The following OSBP2 variants were observed in gnomAD, a reference collection of about 807,000 sequenced individuals.
OSBP2 encodes the protein oxysterol binding protein 2.
Under a neutral mutation model 96.0 loss-of-function variants are expected in OSBP2, and 66 were observed. That is an observed-to-expected ratio of 0.69 (90% CI 0.56 to 0.84). The LOEUF (loss-of-function observed/expected upper bound fraction) is 0.84, where lower values mean the gene tolerates loss of function less well. Ranked by LOEUF, OSBP2 falls within the 40% of genes least tolerant of loss-of-function variation. The pLI is 0.00. For synonymous variants in OSBP2, 525 were observed against 520.9 expected (o/e 1.01, Z -0.11); for missense variants, 1,038 against 1,222.7 (o/e 0.85, Z 2.25).
intron 2 of OSBP2, among the ~76,000 whole-genome samples, chr22:30,746,301 G>A (rs189051395): frequency 1.3e-5 from 2 of 151,966 alleles, no homozygotes; most frequent in Admixed American, 6.6e-5. Flanking sequence ...GCACATGCCT[G>A]TAGTCCCAGC....
intron 2 of OSBP2, among the ~76,000 whole-genome samples, chr22:30,753,771 C>T (rs1379467320): frequency 6.6e-6 from 1 of 152,194 alleles, no homozygotes; most frequent in Non-Finnish European, 1.5e-5. Context: ...AGGAGAAGGG[C>T]ATATTTGCCT....
At chr22:30,736,916 T>C (rs2089864567) in intron 1 of OSBP2, among the ~76,000 whole-genome samples, 1 of 152,256 alleles carries the variant, frequency 6.6e-6, no homozygotes, top group Non-Finnish European at 1.5e-5. Context: ...TGATCACTGC[T>C]GGGTAACTTC....
intron 1 of OSBP2, among the ~76,000 whole-genome samples, chr22:30,740,136 C>T (rs136352): frequency 0.058 from 8,830 of 152,206 alleles, 270 homozygotes; most frequent in Middle Eastern, 0.092. Context: ...TGAGCCACCG[C>T]GCCTGGCCAA....
chr22:30,881,944 C>T lies in OSBP2; in HGVS notation c.1108-5482C>T, dbSNP rs925876272. The stretch of plus-strand genomic sequence containing the variant: ...TTAGGGCACAGCAGTTTTCACCCTG[C>T]CCCGCTTTTAGGTGACTGTGACACT... On this transcript the variant is annotated intron_variant, in intron 3 of 13. Transcript: ENST00000332585. The surrounding 1 kb of genome is among the most constrained non-coding windows in gnomAD (Gnocchi z 4.5). 2.5e-5 allele frequency: 17 copies of T among 677,920 alleles called. No individual in the cohort carries two copies. Among genetic ancestry groups the T allele is most frequent in the Non-Finnish European group, 3.7e-5 (17 of 456,402 alleles). 42.0% of individuals were successfully genotyped at this position (677,920 alleles called of 1,614,324 possible). A position where few individuals can be genotyped will look rare whatever the true frequency, so the allele number is the denominator to read the frequency against.
At chr22:30,876,538 A>G (rs912336500) in intron 3 of OSBP2, among the ~76,000 whole-genome samples, 1 of 152,210 alleles carries the variant, frequency 6.6e-6, no homozygotes, top group African/African-American at 2.4e-5. Context: ...ATTCCTGAGC[A>G]TCTCTGGTGG....
chr22:30,762,690 C>T lies in OSBP2; in HGVS notation c.853+21321C>T, dbSNP rs183343014. Among the ~76,000 whole-genome samples, 39 of 152,342 alleles carry T rather than the reference C, an allele frequency of 2.6e-4. No homozygotes were observed. The East Asian group carries it at 7.5e-3, about 29-fold the overall frequency. ...ACCTCTTGTTGGCAAGGTCTGTTCC[C>T]TAGTATCCAGCCCCTTCCCACACCC... On this transcript the variant is annotated intron_variant, in intron 2 of 13. Transcript: ENST00000332585.
intron 2 of OSBP2, among the ~76,000 whole-genome samples, chr22:30,828,800 T>G (rs1206917097): frequency 6.6e-6 from 1 of 151,574 alleles, no homozygotes; most frequent in African/African-American, 2.4e-5. Flanking sequence ...GGGGGAGAGG[T>G]GGGCAGAGCA....
chr22:30,879,667 G>A (rs5753367), intron 3 of OSBP2, among the ~76,000 whole-genome samples: 2 of 152,240 alleles, frequency 1.3e-5, no homozygotes, highest in African/African-American at 2.4e-5. Flanking sequence ...TGGGTCCCCA[G>A]TCTGGGTCTT....
chr22:30,792,961 G>C (rs1044586311), intron 2 of OSBP2, among the ~76,000 whole-genome samples: 3 of 152,222 alleles, frequency 2.0e-5, no homozygotes, highest in Non-Finnish European at 4.4e-5. Flanking sequence ...CACTGAGTTA[G>C]TAAATGGCAG....
chr22:30,863,993 C>T (rs1219329980), intron 2 of OSBP2, among the ~76,000 whole-genome samples: 4 of 146,728 alleles, frequency 2.7e-5, no homozygotes, highest in East Asian at 2.0e-4. Flanking sequence ...TTTTTTGAAA[C>T]GGAGTCTGAC....
At chr22:30,755,887 A>G (rs530826484) in intron 2 of OSBP2, among the ~76,000 whole-genome samples, 9 of 152,284 alleles carry the variant, frequency 5.9e-5, no homozygotes, top group Admixed American at 2.6e-4. Context: ...CTCAGCCCTC[A>G]GGTCCACCAG....
chr22:30,716,916 C>A (rs1052915850), intron 1 of OSBP2, among the ~76,000 whole-genome samples: 1 of 152,112 alleles, frequency 6.6e-6, no homozygotes, highest in South Asian at 2.1e-4. Context: ...TTGTGTCCTT[C>A]GATGGAGTCC....
At chr22:30,833,475 G>GAGCTA (rs2038572235) in intron 2 of OSBP2, among the ~76,000 whole-genome samples, 2 of 152,282 alleles carry the variant, frequency 1.3e-5, no homozygotes, top group South Asian at 4.1e-4. Context: ...ATGTGTAATT[G>GAGCTA]AGCTCTGCTT....
At chr22:30,816,799 T>G (rs2091089435) in intron 2 of OSBP2, among the ~76,000 whole-genome samples, 1 of 151,718 alleles carries the variant, frequency 6.6e-6, no homozygotes, top group South Asian at 2.1e-4. Context: ...TGCAGTGGTG[T>G]GATCTCGGCT....
At chr22:30,798,243 G>A (rs2090793026) in intron 2 of OSBP2, among the ~76,000 whole-genome samples, 1 of 152,124 alleles carries the variant, frequency 6.6e-6, no homozygotes, top group African/African-American at 2.4e-5. Context: ...TTGGATAAAT[G>A]TCTACTAAAG....
chr22:30,799,012 T>G (rs1158993338), intron 2 of OSBP2, among the ~76,000 whole-genome samples: 3 of 122,626 alleles, frequency 2.4e-5, no homozygotes, highest in Non-Finnish European at 3.6e-5. Context: ...AGACTCTGTC[T>G]CAAAAAAAAA....
intron 1 of OSBP2, among the ~76,000 whole-genome samples, chr22:30,730,797 TATATATA>T (rs1364136506): frequency 3.6e-5 from 2 of 56,046 alleles, no homozygotes; most frequent in Admixed American, 2.2e-4. Flanking sequence ...TATATATATA[TATATATA>T]TATAATTTTT....
chr22:30,896,695 T>C (rs914409941), intron 12 of OSBP2, among the ~76,000 whole-genome samples: 7 of 151,584 alleles, frequency 4.6e-5, no homozygotes, highest in Admixed American at 2.6e-4. Flanking sequence ...TTACCCAGGC[T>C]GGTATCCAGT....
At chr22:30,902,126 G>GAAAAAAAAAAAA (rs35391426) in intron 12 of OSBP2, 1 of 115,912 alleles carries the variant, frequency 8.6e-6, no homozygotes, top group African/African-American at 7.2e-5. Context: ...AAAAAAAAAC[G>GAAAAAAAAAAAA]AAAAAAAAAA....
Sources: gnomAD v4.1 joint callset for allele counts (sites outside exome capture counted in the v4.1 genomes callset) on GRCh38, gnomAD v4.1.1 for gene constraint, Gnocchi (gnomAD v3.1) non-coding constraint, MANE v1.5 for transcripts, NCBI Gene and HGNC (gene_info 2026-07-23, HGNC 2026-07-21) for gene names.